MAN2B2: variants seen among roughly 807,000 people sequenced by gnomAD.
The protein encoded by MAN2B2 is mannosidase alpha class 2B member 2, also known as epididymis-specific alpha-mannosidase.
MAN2B2 carries 106 observed loss-of-function variants against 117.1 expected under a neutral mutation model. The ratio of observed to expected loss-of-function variants is 0.90; its 90% confidence interval spans 0.77 to 1.06. The LOEUF (loss-of-function observed/expected upper bound fraction) is 1.06, where lower values mean the gene tolerates loss of function less well. Ranked by LOEUF, MAN2B2 falls within the 50% of genes least tolerant of loss-of-function variation. The pLI is 0.00. For missense variants in MAN2B2, 1,326 were observed against 1,381.4 expected, an observed-to-expected ratio of 0.96 and a Z score of 0.64; for synonymous variants, 544 against 595.1, an observed-to-expected ratio of 0.91 and a Z score of 1.25.
intron 18 of MAN2B2, chr4:6,620,826 C>G (rs1712137045): frequency 4.7e-6 from 1 of 211,028 alleles, no homozygotes; most frequent in Admixed American, 5.8e-5. Context: ...AGGGCAGACT[C>G]ACCAGATGGT....
chr4:6,586,942 C>T (rs1396127435), intron 3 of MAN2B2, 54 bp from the exon 4 acceptor site: 10 of 1,557,806 alleles, frequency 6.4e-6, no homozygotes, highest in South Asian at 3.6e-5. Context: ...AGGATGGGGC[C>T]GGGAGGCACA....
At chr4:6,609,735 G>A in intron 12 of MAN2B2, 63 bp from the exon 13 acceptor site, 5 of 1,115,572 alleles carry the variant, frequency 4.5e-6, no homozygotes, top group East Asian at 7.8e-5. Flanking sequence ...AGGAAGGGAA[G>A]CAAAAAGGAA....
intron 10 of MAN2B2, 37 bp downstream of exon 10, chr4:6,600,793 G>A (rs749858205): frequency 1.2e-6 from 2 of 1,609,046 alleles, no homozygotes; most frequent in Admixed American, 3.3e-5. Context: ...GGCCTTAGCT[G>A]CTTGCTGAAC....
chr4:6,598,087 A>G (rs1031834381), intron 8 of MAN2B2, 111 bp from the exon 9 acceptor site: 36 of 1,242,100 alleles, frequency 2.9e-5, no homozygotes, highest in Non-Finnish European at 4.1e-5. Context: ...CCCCTTCTCC[A>G]CTGGCACCTG....
At chr4:6,575,718 C>T (rs899264120) in intron 1 of MAN2B2, among the ~76,000 whole-genome samples, 4 of 152,172 alleles carry the variant, frequency 2.6e-5, no homozygotes, top group Non-Finnish European at 4.4e-5. Context: ...GGGCTGGTCC[C>T]CTGCGGGGCT....
At chr4:6,590,225 G>GA (rs959658872) in intron 5 of MAN2B2, among the ~76,000 whole-genome samples, 173 of 149,112 alleles carry the variant, frequency 1.2e-3, no homozygotes, top group African/African-American at 4.0e-3. Context: ...TACAAAAAAA[G>GA]AAAAAAAAAA....
Position 6,614,414 on chromosome 4 carries a change from A to G in MAN2B2, c.2701+59A>G. On this transcript the variant is annotated intron_variant, in intron 16 of 18. Coordinates refer to ENST00000285599, the MANE Select transcript of MAN2B2 (RefSeq NM_015274.3). Reference sequence around the variant, plus strand: ...CCTCCCTCCCTGAGTCAAACAGGCCACCGGGCCCACCACCAGACAGGGGCT... The same window carrying G: ...CCTCCCTCCCTGAGTCAAACAGGCCGCCGGGCCCACCACCAGACAGGGGCT... The G allele has an allele frequency of 1.9e-6, 3 of 1,583,666 alleles. No individual in the cohort carries two copies. In the South Asian group the frequency reaches 3.4e-5, roughly 18 times the overall value.
At chr4:6,592,021 T>C (rs1726878418) in intron 5 of MAN2B2, among the ~76,000 whole-genome samples, 1 of 152,146 alleles carries the variant, frequency 6.6e-6, no homozygotes, top group South Asian at 2.1e-4. Context: ...GGAGCCAGCG[T>C]TGGATTCAGG....
At chr4:6,602,389 T>C (rs1727368706) in intron 10 of MAN2B2, among the ~76,000 whole-genome samples, 1 of 152,236 alleles carries the variant, frequency 6.6e-6, no homozygotes, top group African/African-American at 2.4e-5. Flanking sequence ...GCCATCTTCC[T>C]GTGTGTCCTC....
rs1346021163 is a variant in MAN2B2, at chr4:6,605,059, A to G, written c.1544A>G (p.Gln515Arg). Residue 515 changes from glutamine (Q) to arginine (R), a missense_variant, in exon 11 of 19, where the codon CAG (glutamine) becomes CGG (arginine). Gln to Arg is a conservative substitution (Grantham distance 43). Coordinates refer to ENST00000285599, the MANE Select transcript of MAN2B2 (RefSeq NM_015274.3). ...CTCATCCTGCTGGCCTTGCAGATCC[A>G]GAACTCAACAGAGACCCCATCTGCG... is the stretch of plus-strand genomic sequence containing the variant. ...EAGHPVPSQI[Q>R]NSTETPSAYD... The G allele has an allele frequency of 2.5e-6, 4 of 1,609,766 alleles. No individual in the cohort carries two copies. Among genetic ancestry groups the G allele is most frequent in the Non-Finnish European group, 3.4e-6 (4 of 1,176,656 alleles).
chr4:6,579,839 C>A (rs990693678), intron 3 of MAN2B2, among the ~76,000 whole-genome samples: 9 of 152,216 alleles, frequency 5.9e-5, no homozygotes, highest in African/African-American at 2.2e-4. Context: ...TTACCAAATG[C>A]CTTTCACAGT....
At position 6,609,237 on chromosome 4, in the gene MAN2B2, G is replaced by A; in HGVS notation, c.1945G>A (p.Ala649Thr). ...PGKAAVPAWE[A>T]VEMEIVAGQL... ...CAAGGCCGCGGTGCCTGCGTGGGAA[G>A]CTGTGGAAATGGAGATTGTGGCGGG... The change falls in exon 12 of 19, where the codon GCT becomes ACT. Residue 649 changes from alanine to threonine, a missense_variant. Ala to Thr is a moderately conservative substitution (Grantham distance 58). Coordinates refer to ENST00000285599, the MANE Select transcript of MAN2B2 (RefSeq NM_015274.3). The A allele has an allele frequency of 1.9e-6, 3 of 1,614,256 alleles. No homozygotes were observed. The highest frequency in any genetic ancestry group is 2.5e-6 in the Non-Finnish European group (3 of 1,180,046).
At chr4:6,579,078 CCACCACCATCACCATCACCAG>C (rs1560634272) in intron 3 of MAN2B2, among the ~76,000 whole-genome samples, 20 of 86,496 alleles carry the variant, frequency 2.3e-4, no homozygotes, top group African/African-American at 6.8e-4. Context: ...ATCACCACCA[CCACCACCATCACCATCACCAG>C]CACCACCACC....
chr4:6,596,784 A>C (rs1183337255), intron 7 of MAN2B2, among the ~76,000 whole-genome samples: 1 of 151,912 alleles, frequency 6.6e-6, no homozygotes, highest in Non-Finnish European at 1.5e-5. Flanking sequence ...CTTTGCTCAC[A>C]CAGCTGTTCT....
At position 6,598,340 on chromosome 4, in the gene MAN2B2, T is replaced by C. The variant is rs745623241; in HGVS notation, c.1391T>C (p.Met464Thr). 2 of 1,612,328 alleles carry C rather than the reference T, an allele frequency of 1.2e-6. No homozygotes were observed. Among genetic ancestry groups the C allele is most frequent in the Non-Finnish European group, 1.7e-6 (2 of 1,179,436 alleles). Residue 464 changes from methionine (M) to threonine (T), a missense_variant, in exon 9 of 19, where the codon ATG becomes ACG. Physicochemically the swap from Met to Thr is moderately conservative, Grantham distance 81. Coordinates refer to ENST00000285599, the MANE Select transcript of MAN2B2 (RefSeq NM_015274.3). ...VLDELQPQAP[M>T]AASSDAGPAG... ...GATGAGCTCCAGCCCCAGGCACCCATGGCGGCCAGCTCCGGTGAGCAGGGC... is the reference window on the plus strand; with the variant it reads ...GATGAGCTCCAGCCCCAGGCACCCACGGCGGCCAGCTCCGGTGAGCAGGGC...
rs1304856521 is a variant in MAN2B2 at position 6,605,047 on chromosome 4, C to G, written c.1540-8C>G. On this transcript the variant is annotated splice_region_variant and splice_polypyrimidine_tract_variant and intron_variant, in intron 10 of 18. Transcript: ENST00000285599. Reference sequence around the variant, plus strand: ...CAGTTAACAAGTCTCATCCTGCTGGCCTTGCAGATCCAGAACTCAACAGAG... The same window carrying G: ...CAGTTAACAAGTCTCATCCTGCTGGGCTTGCAGATCCAGAACTCAACAGAG... The G allele has an allele frequency of 1.9e-6, 3 of 1,605,998 alleles. No homozygotes were observed. The highest frequency in any genetic ancestry group is 1.1e-5 in the South Asian group (1 of 90,802).
chr4:6,618,846 A>G (rs1302126621), intron 17 of MAN2B2: 1 of 152,172 alleles, frequency 6.6e-6, no homozygotes, highest in Non-Finnish European at 1.5e-5. Flanking sequence ...TTACTGGGCC[A>G]CCCACCTCCT....
In MAN2B2 at chr4:6,609,941, T is replaced by C. The variant is rs1727703140; in HGVS notation, c.2150T>C (p.Leu717Pro). The stretch of plus-strand genomic sequence containing the variant: ...CTGGAGCTGAACCGTGAGGCTGTCC[T>C]GAGGACCAGCACCAACCTAAACAGC... ...GPLELNREAVLRTSTNLNSQQ... is the reference protein window; with the variant it reads ...GPLELNREAVPRTSTNLNSQQ... The change falls in exon 13 of 19, where the codon CTG becomes CCG. Residue 717 changes from leucine (L) to proline (P), a missense_variant. By Grantham distance (98) the Leu-to-Pro change is moderately conservative. Coordinates refer to ENST00000285599, the MANE Select transcript of MAN2B2 (RefSeq NM_015274.3). 6.2e-7 allele frequency: 1 copy of C among 1,614,158 alleles called. No homozygotes were observed. Among genetic ancestry groups the C allele is most frequent in the East Asian group, 2.2e-5 (1 of 44,878 alleles).
Position 6,600,625 on chromosome 4 carries a change from G to A in MAN2B2, c.1408G>A (p.Ala470Thr), listed in dbSNP as rs576484716. Residue 470 changes from alanine to threonine, a missense_variant and splice_region_variant, in exon 10 of 19, where the codon GCA becomes ACA. By Grantham distance (58) the Ala-to-Thr change is moderately conservative (BLOSUM62 0). Coordinates refer to ENST00000285599, the MANE Select transcript of MAN2B2 (RefSeq NM_015274.3). ...CAAAGCCTCTTCTCTGTGTGCAGAT[G>A]CAGGACCTGCAGGACATTTTGCCTC... ...PQAPMAASSD[A>T]GPAGHFASVY... 4 of 1,613,806 alleles carry A rather than the reference G, an allele frequency of 2.5e-6. No homozygotes were observed. The African/African-American group carries it at 4.0e-5, about 16-fold the overall frequency.
Sources: gnomAD v4.1 joint callset for allele counts (sites outside exome capture counted in the v4.1 genomes callset) on GRCh38, gnomAD v4.1.1 for gene constraint, MANE v1.5 for transcripts, NCBI Gene and HGNC (gene_info 2026-07-23, HGNC 2026-07-21) for gene names.